The following GDF5 variants were observed in gnomAD, a reference collection of about 807,000 sequenced individuals.
The protein encoded by GDF5 is growth differentiation factor 5, also known as growth/differentiation factor 5.
Under a neutral mutation model 34.6 loss-of-function variants are expected in GDF5, and 17 were observed. That is an observed-to-expected ratio of 0.49 (90% CI 0.34 to 0.74). GDF5 has a LOEUF of 0.74. Ranked by LOEUF, GDF5 falls within the 30% of genes least tolerant of loss-of-function variation. GDF5 has a pLI of 0.01. For synonymous variants in GDF5, 332 were observed against 290.7 expected, an observed-to-expected ratio of 1.14 and a Z score of -1.44; for missense variants, 616 against 661.2, an observed-to-expected ratio of 0.93 and a Z score of 0.75.
intron 1 of GDF5, among the ~76,000 whole-genome samples, chr20:35,452,674 A>C (rs2062537838): frequency 6.6e-6 from 1 of 151,646 alleles, no homozygotes; most frequent in Admixed American, 6.6e-5. Flanking sequence ...TGCCCACCTC[A>C]GCCTCCCAAA....
chr20:35,449,881 C>T (rs13041902), intron 1 of GDF5, among the ~76,000 whole-genome samples: 3 of 151,690 alleles, frequency 2.0e-5, no homozygotes, highest in Non-Finnish European at 2.9e-5. Context: ...CTTAGCTACT[C>T]GGGAGGCTGA....
At chr20:35,450,258 A>G (rs2062526625) in intron 1 of GDF5, among the ~76,000 whole-genome samples, 1 of 151,644 alleles carries the variant, frequency 6.6e-6, no homozygotes, top group Admixed American at 6.6e-5. Flanking sequence ...ATGAGCCAAG[A>G]TCGTGCCACT....
chr20:35,451,143 CAT>C (rs372613909), intron 1 of GDF5, among the ~76,000 whole-genome samples: 8 of 140,966 alleles, frequency 5.7e-5, no homozygotes, highest in South Asian at 2.2e-4. Context: ...ATTTCACATA[CAT>C]ATATATATAT....
intron 1 of GDF5, among the ~76,000 whole-genome samples, chr20:35,445,819 AATT>A (rs2062512130): frequency 6.6e-6 from 1 of 150,604 alleles, no homozygotes; most frequent in African/African-American, 2.5e-5. Flanking sequence ...AAAAATACAA[AATT>A]AGCTGGGTGT....
upstream of GDF5, among the ~76,000 whole-genome samples, chr20:35,440,420 C>T (rs1272936168): frequency 6.6e-6 from 1 of 152,150 alleles, no homozygotes; most frequent in Non-Finnish European, 1.5e-5. Flanking sequence ...CTCCTCACCA[C>T]CTCTGTCACT....
At position 35,434,704 on chromosome 20, in the gene GDF5, G is replaced by C. The variant is rs529192117; in HGVS notation, c.711C>G (p.Ala237=). The C allele has an allele frequency of 1.2e-6, 2 of 1,612,344 alleles. No individual in the cohort carries two copies. Among genetic ancestry groups the C allele is most frequent in the Non-Finnish European group, 1.7e-6 (2 of 1,179,798 alleles). The change falls in exon 2 of 2, where the codon GCC becomes GCG. Residue 237 remains alanine, a synonymous_variant. Transcript: ENST00000374369. The part of the protein sequence containing the change: ...SALEKDGLLG[A]ELRILRKKPS... ...GCTTCTTCCGCAAGATCCGCAGCTCGGCCCCCAGCAGCCCATCCTTCTCCA... is the reference window on the plus strand; with the variant it reads ...GCTTCTTCCGCAAGATCCGCAGCTCCGCCCCCAGCAGCCCATCCTTCTCCA...
At chr20:35,436,998 C>T (rs911962970) in intron 1 of GDF5, among the ~76,000 whole-genome samples, 6 of 152,202 alleles carry the variant, frequency 3.9e-5, no homozygotes, top group African/African-American at 9.6e-5. Flanking sequence ...AATCAAGTCT[C>T]GGAATCTGGT....
chr20:35,434,910 G>A (rs774251839), intron 1 of GDF5, 127 bp from the exon 2 acceptor site: 6 of 1,021,210 alleles, frequency 5.9e-6, no homozygotes, highest in African/African-American at 1.6e-5. Context: ...GCCCCATTCT[G>A]ACAGAAGCCA....
intron 1 of GDF5, among the ~76,000 whole-genome samples, chr20:35,451,560 GTTTT>G (rs1043608924): frequency 1.4e-5 from 2 of 144,884 alleles, no homozygotes; most frequent in Non-Finnish European, 3.0e-5. Context: ...TGCAGAATGC[GTTTT>G]TTTTCTGTTT....
At chr20:35,451,076 T>TATATATATATAA (rs2062531359) in intron 1 of GDF5, among the ~76,000 whole-genome samples, 38 of 42,670 alleles carry the variant, frequency 8.9e-4, no homozygotes, top group African/African-American at 7.5e-3. Flanking sequence ...TATATATATA[T>TATATATATATAA]ATATATATAT....
rs747388042 is a variant in GDF5, at chr20:35,433,824, C to T, written c.*85G>A. On this transcript the variant is annotated 3_prime_UTR_variant, in exon 2 of 2. Coordinates refer to ENST00000374369, the MANE Select transcript of GDF5 (RefSeq NM_000557.5). ...CCAAGCTGTGTAGATGCTCCTGCCA[C>T]AGCTTCCTGACCCCTCTGTGATTCC... The T allele has an allele frequency of 8.6e-7, 1 of 1,159,676 alleles. No homozygotes were observed. Among genetic ancestry groups the T allele is most frequent in the Non-Finnish European group, 1.3e-6 (1 of 767,878 alleles). The allele number at this position is 1,159,676 out of a possible 1,614,324, so 71.8% of individuals were successfully genotyped here. A position where few individuals can be genotyped will look rare whatever the true frequency, so the allele number is the denominator to read the frequency against.
At position 35,434,427 on chromosome 20, in the gene GDF5, C is replaced by T. The variant is rs368321679; in HGVS notation, c.988G>A (p.Asp330Asn). The change falls in exon 2 of 2, where the codon GAC (aspartate) becomes AAC (asparagine). Residue 330 changes from aspartate to asparagine, a missense_variant. Coordinates refer to ENST00000374369, the MANE Select transcript of GDF5 (RefSeq NM_000557.5). Reference sequence around the variant, plus strand: ...TCGTGGACCTGCCGGGCGGCGCGGTCGAAGCCCAGGCCACGGAGGTCCACG... The same window carrying T: ...TCGTGGACCTGCCGGGCGGCGCGGTTGAAGCCCAGGCCACGGAGGTCCACG... ...RAVDLRGLGF[D>N]RAARQVHEKA... The T allele has an allele frequency of 2.5e-6, 4 of 1,613,502 alleles. No homozygotes were observed. Among genetic ancestry groups the T allele is most frequent in the South Asian group, 2.2e-5 (2 of 91,070 alleles).
At chr20:35,452,399 G>A (rs2062536608) in intron 1 of GDF5, among the ~76,000 whole-genome samples, 1 of 152,112 alleles carries the variant, frequency 6.6e-6, no homozygotes, top group South Asian at 2.1e-4. Context: ...GGTATATCTT[G>A]GTAGTCTGAA....
rs1428575839 is a variant in GDF5 at position 35,437,577 on chromosome 20, T to C, written c.352A>G (p.Thr118Ala). 6.2e-7 allele frequency: 1 copy of C among 1,614,034 alleles called. No homozygotes were observed. Among genetic ancestry groups the C allele is most frequent in the Non-Finnish European group, 8.5e-7 (1 of 1,180,022 alleles). Residue 118 changes from threonine (T) to alanine (A), a missense_variant, in exon 1 of 2, where the codon ACA becomes GCA. Transcript: ENST00000374369. ...PGHPPQTRQA[T>A]ARTVTPKGQL... is the part of the protein sequence containing the mutation. ...CCTTTTGGGGTCACAGTCCGGGCTGTAGCCTGCCTTGTTTGGGGAGGGTGT... is the reference window on the plus strand; with the variant it reads ...CCTTTTGGGGTCACAGTCCGGGCTGCAGCCTGCCTTGTTTGGGGAGGGTGT...
rs1379379137 is a variant in GDF5 at position 35,447,569 on chromosome 20, A to G, written c.-397-6182T>C. Among the ~76,000 whole-genome samples, 4 of 152,302 alleles carry G rather than the reference A, an allele frequency of 2.6e-5. No individual in the cohort carries two copies. The South Asian group carries it at 6.2e-4, about 24-fold the overall frequency. On this transcript the variant is annotated intron_variant, in intron 1 of 3. Coordinates refer to the GDF5 transcript ENST00000374372. ...AGAGGGGTGTGAATAAAATAACCAC[A>G]TGTTTTACATATTTATTCTAGAAAA... is the stretch of plus-strand genomic sequence containing the variant.
chr20:35,439,148 T>C (rs975905190), upstream of GDF5, among the ~76,000 whole-genome samples: 8 of 151,050 alleles, frequency 5.3e-5, no homozygotes, highest in Admixed American at 5.3e-4. Context: ...AGCAGAGACG[T>C]CCTCTGAGTT....
rs34581704 is a variant in GDF5 at position 35,443,501 on chromosome 20, G to GATTATTATT, written c.-397-2123_-397-2115dup. 2.6e-3 allele frequency among the ~76,000 whole-genome samples: 389 copies of GATTATTATT among 150,118 alleles called. 1 individual carries two copies. Among genetic ancestry groups the GATTATTATT allele is most frequent in the East Asian group, 0.021 (109 of 5,074 alleles). Reference sequence around the variant, plus strand: ...CCATCCTTATAAAGTCAGTTGGCCAGATTATTATTATTATTATTATTATTT... The same window carrying GATTATTATT: ...CCATCCTTATAAAGTCAGTTGGCCAGATTATTATTATTATTATTATTATTATTATTATTT... On this transcript the variant is annotated intron_variant, in intron 1 of 3. Transcript: ENST00000374372.
chr20:35,449,709 C>T (rs1199048045), intron 1 of GDF5, among the ~76,000 whole-genome samples: 4 of 152,098 alleles, frequency 2.6e-5, no homozygotes, highest in East Asian at 1.9e-4. Flanking sequence ...GGAACTTCAG[C>T]GCGGCAGCTC....
chr20:35,451,080 T>TATATATATATATATAA (rs2062531592), intron 1 of GDF5, among the ~76,000 whole-genome samples: 11 of 30,304 alleles, frequency 3.6e-4, no homozygotes, highest in African/African-American at 5.2e-4. Flanking sequence ...TATATATATA[T>TATATATATATATATAA]ATATATATAT....
Sources: gnomAD v4.1 joint callset for allele counts (sites outside exome capture counted in the v4.1 genomes callset) on GRCh38, gnomAD v4.1.1 for gene constraint, MANE v1.5 for transcripts, NCBI Gene and HGNC (gene_info 2026-07-23, HGNC 2026-07-21) for gene names.